The following FCRLB variants were observed in gnomAD, a reference collection of about 807,000 sequenced individuals.
FCRLB encodes the protein Fc receptor like B.
In FCRLB, 34 loss-of-function variants were observed where a neutral mutation model predicts 33.6. The ratio of observed to expected loss-of-function variants is 1.01; its 90% CI spans 0.77 to 1.35. The LOEUF is 1.35. Ranked by LOEUF, FCRLB falls within the 40% of genes most tolerant of loss-of-function variation. The pLI is 0.00. For synonymous variants in FCRLB, 280 were observed against 255.9 expected (o/e 1.09, Z -0.90); for missense variants, 560 against 580.2 (o/e 0.97, Z 0.36).
chr1:161,723,552 C>A, exon 5 of FCRLB: 1 of 1,614,204 alleles, frequency 6.2e-7, no homozygotes, highest in Non-Finnish European at 8.5e-7. Context: ...GGTGCAGACA[C>A]CAGGGGTGTA....
At chr1:161,722,886 A>C in intron 3 of FCRLB, 103 bp from the exon 4 acceptor site, 1 of 1,545,060 alleles carries the variant, frequency 6.5e-7, no homozygotes, top group Non-Finnish European at 8.9e-7. Flanking sequence ...AAGAAGAAAA[A>C]CAGGTTTTGG....
rs780046443 is a variant in FCRLB at position 161,727,253 on chromosome 1, C to A, written c.872C>A (p.Pro291His). The stretch of plus-strand genomic sequence containing the variant: ...GGGCGTAATGCATTCACAGGTTCTC[C>A]CCTGGACCCGGCCTCCACCACCGCC... Residue 291 changes from proline to histidine, a missense_variant, in exon 8 of 8, where the codon CCC (proline) becomes CAC (histidine). Transcript: ENST00000367948. 9 of 1,605,080 alleles carry A rather than the reference C, an allele frequency of 5.6e-6. No individual in the cohort carries two copies. The Admixed American group carries it at 1.5e-4, about 27-fold the overall frequency.
intron 5 of FCRLB, 43 bp from the exon 6 acceptor site, chr1:161,725,772 AGGGCTG>A: frequency 6.5e-7 from 1 of 1,548,524 alleles, no homozygotes; most frequent in Non-Finnish European, 8.7e-7. Context: ...GGAGATCTCC[AGGGCTG>A]GACTTTCTGT....
chr1:161,727,676 G>A (rs1683648640), exon 8 of FCRLB: 2 of 1,576,172 alleles, frequency 1.3e-6, no homozygotes. Flanking sequence ...GGCGGCTACC[G>A]TCCCCTCTGC....
rs1211967981 is a variant in FCRLB at position 161,726,396 on chromosome 1, C to A, written c.575-307C>A. 2 of 718,328 alleles carry A rather than the reference C, an allele frequency of 2.8e-6. No homozygotes were observed. The highest frequency in any genetic ancestry group is 2.0e-5 in the Admixed American group (1 of 49,798). The allele number at this position is 718,328 out of a possible 1,614,324, so 44.5% of individuals were successfully genotyped here. Reference sequence around the variant, plus strand: ...CTGGGACGAAGGAGCGACTCCCTAGCGTCCTGCAAGGCAGGCGCAGCGTCT... The same window carrying A: ...CTGGGACGAAGGAGCGACTCCCTAGAGTCCTGCAAGGCAGGCGCAGCGTCT... On this transcript the variant is annotated intron_variant, in intron 6 of 7. Transcript: ENST00000367948. The surrounding 1 kb of genome is among the most constrained non-coding windows in gnomAD (Gnocchi z 5.2).
exon 6 of FCRLB, chr1:161,725,942 C>G: frequency 1.9e-6 from 3 of 1,614,246 alleles, no homozygotes; most frequent in Non-Finnish European, 2.5e-6. Context: ...ACGGCCAGGC[C>G]GTGCGCTACT....
Position 161,722,720 on chromosome 1 carries a change from G to T in FCRLB, c.31+17G>T. ...TGCTCCTGGGTGAGTCCACAGTGAG[G>T]CAGCAGAAGAGCTTTGGGTGGTGGA... is the stretch of plus-strand genomic sequence containing the variant. On this transcript the variant is annotated intron_variant, in intron 3 of 7. Transcript: ENST00000367948. The T allele has an allele frequency of 2.5e-6, 4 of 1,613,824 alleles. No individual in the cohort carries two copies. Among genetic ancestry groups the T allele is most frequent in the Non-Finnish European group, 3.4e-6 (4 of 1,179,798 alleles).
exon 8 of FCRLB, chr1:161,727,649 C>T (rs759737862): frequency 1.3e-6 from 2 of 1,599,870 alleles, no homozygotes; most frequent in East Asian, 2.2e-5. Context: ...GAGACCACTC[C>T]TGTGGAGAGC....
chr1:161,723,503 G>C (rs1683442654), exon 5 of FCRLB: 1 of 1,614,036 alleles, frequency 6.2e-7, no homozygotes, highest in Admixed American at 1.7e-5. Flanking sequence ...TCTGGTATTT[G>C]GGCCACCTAC....
chr1:161,726,416 GCGTCT>G lies in FCRLB; in HGVS notation c.575-285_575-281del. ...CCTAGCGTCCTGCAAGGCAGGCGCA[GCGTCT>G]CCTATTCTAGGCTGCAGAACCCGAG... On this transcript the variant is annotated intron_variant, in intron 6 of 7. Coordinates refer to ENST00000367948, the Ensembl canonical transcript of FCRLB. This position sits in a 1 kb window ranked among gnomAD's most constrained non-coding sequence, Gnocchi z 5.2. 1 of 718,486 alleles carries G rather than the reference GCGTCT, an allele frequency of 1.4e-6. No individual in the cohort carries two copies. Among genetic ancestry groups the G allele is most frequent in the Non-Finnish European group, 2.5e-6 (1 of 401,262 alleles). 44.5% of individuals were successfully genotyped at this position (718,486 alleles called of 1,614,324 possible). A position where few individuals can be genotyped will look rare whatever the true frequency, so the allele number is the denominator to read the frequency against.
rs201556818 is a variant in FCRLB, at chr1:161,722,686, C to T, written c.14C>T (p.Thr5Ile). Reference sequence around the variant, plus strand: ...GTCAGATCCATCATGTGGCCACTGACAGCCCTTCTGCTCCTGGGTGAGTCC... The same window carrying T: ...GTCAGATCCATCATGTGGCCACTGATAGCCCTTCTGCTCCTGGGTGAGTCC... The change falls in exon 3 of 8, where the codon ACA (threonine) becomes ATA (isoleucine). Residue 5 changes from threonine (T) to isoleucine (I), a missense_variant. By Grantham distance (89) the Thr-to-Ile change is moderately conservative. Coordinates refer to ENST00000367948, the Ensembl canonical transcript of FCRLB. 3 of 1,614,042 alleles carry T rather than the reference C, an allele frequency of 1.9e-6. No individual in the cohort carries two copies. Among genetic ancestry groups the T allele is most frequent in the Non-Finnish European group, 2.5e-6 (3 of 1,179,990 alleles).
At chr1:161,723,646 G>A (rs1446310872) in intron 5 of FCRLB, 25 bp downstream of exon 5, 2 of 1,604,268 alleles carry the variant, frequency 1.2e-6, no homozygotes, top group Non-Finnish European at 1.7e-6. Context: ...CACGAGGGGA[G>A]GGGGAGCACG....
intron 5 of FCRLB, 34 bp downstream of exon 5, chr1:161,723,655 C>T (rs1335499189): frequency 3.1e-6 from 5 of 1,598,362 alleles, no homozygotes; most frequent in Non-Finnish European, 3.4e-6. Context: ...AGGGGGAGCA[C>T]GTGTCTCCTC....
chr1:161,725,160 T>C (rs991804241), intron 5 of FCRLB, among the ~76,000 whole-genome samples: 3 of 152,144 alleles, frequency 2.0e-5, no homozygotes, highest in African/African-American at 7.2e-5. Context: ...TCTGACACCA[T>C]CCTAAGGAGG....
intron 2 of FCRLB, 132 bp from the exon 3 acceptor site, chr1:161,722,520 TG>T: frequency 1.2e-6 from 1 of 816,300 alleles, no homozygotes; most frequent in Non-Finnish European, 2.0e-6. Context: ...CCACTGGTTC[TG>T]GTCTGCTATC....
rs777606302 is a variant in FCRLB, at chr1:161,727,444, G to A, written c.1063G>A (p.Ala355Thr). The change falls in exon 8 of 8, where the codon GCT becomes ACT. Residue 355 changes from alanine to threonine, a missense_variant. By Grantham distance (58) the Ala-to-Thr change is moderately conservative. Transcript: ENST00000367948. The stretch of plus-strand genomic sequence containing the variant: ...CCCGACTGCGGGGCCACCCGCCTGC[G>A]CTCCGCCGACGCCCTTGGAACAATC... 1.3e-5 allele frequency: 21 copies of A among 1,613,264 alleles called. No individual in the cohort carries two copies. The highest frequency in any genetic ancestry group is 1.7e-5 in the Non-Finnish European group (20 of 1,179,602).
chr1:161,722,502 C>G (rs957093460), intron 2 of FCRLB, among the ~76,000 whole-genome samples, 151 bp from the exon 3 acceptor site: 6 of 152,196 alleles, frequency 3.9e-5, no homozygotes, highest in African/African-American at 1.2e-4. Flanking sequence ...TGATATTCAG[C>G]CTGTCTCCCA....
At position 161,726,732 on chromosome 1, in the gene FCRLB, A is replaced by T. The variant is rs769731678; in HGVS notation, c.604A>T (p.Met202Leu). 4 of 1,596,974 alleles carry T rather than the reference A, an allele frequency of 2.5e-6. No individual in the cohort carries two copies. The highest frequency in any genetic ancestry group is 3.4e-6 in the Non-Finnish European group (4 of 1,175,664). Residue 202 changes from methionine to leucine, a missense_variant, in exon 7 of 8, where the codon ATG (methionine) becomes TTG (leucine). Met to Leu is a conservative substitution (Grantham distance 15, BLOSUM62 2). Transcript: ENST00000367948. This position sits in a 1 kb window ranked among gnomAD's most constrained non-coding sequence, Gnocchi z 5.2. ...GTTCCGGGCGCCGGTGCTGAGGGTG[A>T]TGGGTCCGCGGGAGGCCCGCGGCGC...
intron 2 of FCRLB, among the ~76,000 whole-genome samples, chr1:161,722,385 G>A (rs1344999538): frequency 6.6e-6 from 1 of 152,172 alleles, no homozygotes; most frequent in African/African-American, 2.4e-5. Flanking sequence ...CTTGTGCTGT[G>A]GAGGGCACAA....
Sources: gnomAD v4.1 joint callset for allele counts (sites outside exome capture counted in the v4.1 genomes callset) on GRCh38, gnomAD v4.1.1 for gene constraint, Gnocchi (gnomAD v3.1) non-coding constraint, MANE v1.5 for transcripts, NCBI Gene and HGNC (gene_info 2026-07-23, HGNC 2026-07-21) for gene names.